Variants in TMEM260 observed in about 807,000 individuals in gnomAD.
The protein encoded by TMEM260 is protein O-mannosyl-transferase TMEM260.
In TMEM260, 82 loss-of-function variants were observed where a neutral mutation model predicts 88.9. The observed-to-expected ratio is 0.92, with a 90% CI of 0.77 to 1.11. TMEM260 has a LOEUF of 1.11. TMEM260 is among the 50% of genes least tolerant of loss of function. TMEM260 has a pLI of 0.00. For missense variants in TMEM260, 902 were observed against 853.4 expected (o/e 1.06, Z -0.71); for synonymous variants, 314 against 309.3 (o/e 1.02, Z -0.16).
At chr14:56,599,824 C>T (rs975865719) in intron 3 of TMEM260, among the ~76,000 whole-genome samples, 6 of 152,248 alleles carry the variant, frequency 3.9e-5, no homozygotes, top group African/African-American at 1.4e-4. Flanking sequence ...AACATAAGCC[C>T]ATACAAAATG....
At chr14:56,603,527 T>C (rs1013982363) in intron 3 of TMEM260, among the ~76,000 whole-genome samples, 1 of 152,202 alleles carries the variant, frequency 6.6e-6, no homozygotes, top group African/African-American at 2.4e-5. Flanking sequence ...GTAGCTACTG[T>C]GTCTTCAGGT....
At position 56,604,751 on chromosome 14, in the gene TMEM260, A is replaced by G. The variant is rs145032821; in HGVS notation, c.522+759A>G. 1.2e-3 allele frequency among the ~76,000 whole-genome samples: 188 copies of G among 152,328 alleles called. 5 individuals are homozygous for G. In the South Asian group the frequency reaches 0.02, roughly 16 times the overall value. On this transcript the variant is annotated intron_variant, in intron 4 of 15. Coordinates refer to ENST00000261556, the MANE Select transcript of TMEM260 (RefSeq NM_017799.4). ...AGGTTCAGGTATAGGGACAACTGCA[A>G]TGGGGTTTTGTAGTAGGGGAAAGAA...
intron 3 of TMEM260, among the ~76,000 whole-genome samples, chr14:56,587,568 A>G (rs995590788): frequency 6.6e-6 from 1 of 152,054 alleles, no homozygotes; most frequent in Non-Finnish European, 1.5e-5. Flanking sequence ...GGCTAATGAT[A>G]TATTTTATAC....
At chr14:56,659,384 A>T in the TMEM260 span, among the ~76,000 whole-genome samples, 1 of 151,686 alleles carries the variant, frequency 6.6e-6, no homozygotes, top group Non-Finnish European at 1.5e-5. Flanking sequence ...GGTCTTTATG[A>T]CTTGGGTGCA....
At chr14:56,592,530 A>G (rs1885928793) in intron 3 of TMEM260, among the ~76,000 whole-genome samples, 1 of 152,198 alleles carries the variant, frequency 6.6e-6, no homozygotes, top group African/African-American at 2.4e-5. Flanking sequence ...CCCTAGTTTC[A>G]CCATTCTCCA....
chr14:56,613,532 A>G (rs1011933022), intron 7 of TMEM260: 2 of 152,188 alleles, frequency 1.3e-5, no homozygotes, highest in Non-Finnish European at 2.9e-5. Flanking sequence ...TAATATTTTT[A>G]AGATTTTTAT....
intron 3 of TMEM260, among the ~76,000 whole-genome samples, chr14:56,588,180 G>C (rs1215922852): frequency 1.3e-5 from 2 of 151,932 alleles, no homozygotes; most frequent in Non-Finnish European, 2.9e-5. Context: ...TTTGATCCAG[G>C]AAACAGTTTT....
At chr14:56,629,657 A>C (rs1252936626) in intron 12 of TMEM260, among the ~76,000 whole-genome samples, 1 of 152,150 alleles carries the variant, frequency 6.6e-6, no homozygotes, top group African/African-American at 2.4e-5. Context: ...CTTTATCTGA[A>C]AATGTCTTTA....
At position 56,618,701 on chromosome 14, in the gene TMEM260, T is replaced by G; in HGVS notation, c.1164T>G (p.Leu388=). ...ETNRVLNSNG[L]QCLEWLSATL... is the part of the protein sequence containing the mutation. ...ACCGAGTGCTGAATAGCAATGGGCT[T>G]CAGTGTCTGGAATGGCTTTCTGCAA... is the stretch of plus-strand genomic sequence containing the variant. The change falls in exon 10 of 16, where the codon CTT becomes CTG. Residue 388 remains leucine (L), a synonymous_variant. Transcript: ENST00000261556. 6.2e-7 allele frequency: 1 copy of G among 1,614,224 alleles called. No individual in the cohort carries two copies. The highest frequency in any genetic ancestry group is 8.5e-7 in the Non-Finnish European group (1 of 1,180,038).
intron 11 of TMEM260, among the ~76,000 whole-genome samples, chr14:56,622,148 C>T (rs1887964564): frequency 6.6e-6 from 1 of 151,704 alleles, no homozygotes; most frequent in Non-Finnish European, 1.5e-5. Context: ...TCGAGACCAT[C>T]CTGGCTAACA....
At chr14:56,655,973 T>A in the TMEM260 span, among the ~76,000 whole-genome samples, 1 of 152,130 alleles carries the variant, frequency 6.6e-6, no homozygotes, top group South Asian at 2.1e-4. Flanking sequence ...TCTGGAGGGT[T>A]CATTTTGCCC....
rs955756478 is a variant in TMEM260, at chr14:56,630,314, A to G, written c.1548-2681A>G. On this transcript the variant is annotated intron_variant, in intron 12 of 15. Transcript: ENST00000261556. ...CTTTCACAAAATTTGGGAATTTTTC[A>G]TACATTATGTCTTTAAATAATTTTT... Among the ~76,000 whole-genome samples the G allele has an allele frequency of 2.6e-5, 4 of 152,310 alleles. No homozygotes were observed. In the East Asian group the frequency reaches 5.8e-4, roughly 22 times the overall value.
At chr14:56,584,859 C>A in intron 1 of TMEM260, 142 bp from the exon 2 acceptor site, 3 of 632,372 alleles carry the variant, frequency 4.7e-6, no homozygotes, top group Non-Finnish European at 8.3e-6. Context: ...TAGACTATTT[C>A]ATGCTGTTAA....
intron 10 of TMEM260, among the ~76,000 whole-genome samples, chr14:56,620,285 C>T (rs1233778827): frequency 2.0e-5 from 3 of 152,094 alleles, no homozygotes; most frequent in Admixed American, 6.6e-5. Flanking sequence ...GTACCCTGAA[C>T]ATAAAATAAA....
Position 56,626,738 on chromosome 14 carries a change from T to C in TMEM260, c.1547+1208T>C, listed in dbSNP as rs533795919. On this transcript the variant is annotated intron_variant, in intron 12 of 15. Transcript: ENST00000261556. ...CATTCAGCATTTATTTAATAAAAAT[T>C]GCATGTCCAAAATGTTCCAAGAACA... Among the ~76,000 whole-genome samples, 3 of 152,290 alleles carry C rather than the reference T, an allele frequency of 2.0e-5. No homozygotes were observed. The East Asian group carries it at 5.8e-4, about 29-fold the overall frequency.
chr14:56,580,671 CAGG>C (rs1206534887), intron 1 of TMEM260, among the ~76,000 whole-genome samples: 1 of 152,098 alleles, frequency 6.6e-6, no homozygotes, highest in East Asian at 1.9e-4. Flanking sequence ...AGAATATTTG[CAGG>C]AGAACTCTTA....
At chr14:56,624,938 G>GC (rs1398019516) in intron 11 of TMEM260, among the ~76,000 whole-genome samples, 4 of 152,168 alleles carry the variant, frequency 2.6e-5, no homozygotes, top group Admixed American at 2.6e-4. Flanking sequence ...AGATCATCAG[G>GC]CATTAGATTC....
chr14:56,586,713 A>G (rs528889125), intron 3 of TMEM260, among the ~76,000 whole-genome samples: 1 of 152,282 alleles, frequency 6.6e-6, no homozygotes, highest in South Asian at 2.1e-4. Flanking sequence ...GTAGGTAAAT[A>G]TAATTTGAAT....
chr14:56,623,332 G>A (rs868312008), intron 11 of TMEM260, among the ~76,000 whole-genome samples: 6 of 152,272 alleles, frequency 3.9e-5, no homozygotes, highest in Admixed American at 6.5e-5. Flanking sequence ...CCCAGTCACA[G>A]GATGCATGCC....
Sources: allele counts gnomAD v4.1 joint callset (sites outside exome capture counted in the v4.1 genomes callset), GRCh38; gene constraint gnomAD v4.1.1; transcripts MANE v1.5; gene names NCBI Gene and HGNC (gene_info 2026-07-23, HGNC 2026-07-21).